The following MCM8 variants were observed in gnomAD, a reference collection of about 807,000 sequenced individuals.
MCM8 encodes minichromosome maintenance 8 homologous recombination repair factor.
In MCM8, 85 loss-of-function variants were observed where a neutral mutation model predicts 98.9. The ratio of observed to expected loss-of-function variants is 0.86; its 90% CI spans 0.72 to 1.03. The LOEUF (loss-of-function observed/expected upper bound fraction) is 1.03, where lower values mean the gene tolerates loss of function less well. Ranked by LOEUF, MCM8 falls within the 50% of genes least tolerant of loss-of-function variation. The pLI, the probability that MCM8 is intolerant of heterozygous loss-of-function variation, is 0.00. For missense variants in MCM8, 951 were observed against 997.8 expected, an observed-to-expected ratio of 0.95 and a Z score of 0.63; for synonymous variants, 352 against 338.6, an observed-to-expected ratio of 1.04 and a Z score of -0.44.
Position 5,977,968 on chromosome 20 carries a change from C to A in MCM8, c.1488C>A (p.Ser496=). ...CGGTAACTCTTTCAAAAGATAGTTC[C>A]TCTGGAGATTTTGCTTTGGAAGCTG... ...GLTVTLSKDS[S]SGDFALEAGA... The change falls in exon 13 of 19, where the codon TCC becomes TCA. Residue 496 remains serine (S), a synonymous_variant. Coordinates refer to ENST00000610722, the MANE Select transcript of MCM8 (RefSeq NM_032485.6). 3 of 1,614,210 alleles carry A rather than the reference C, an allele frequency of 1.9e-6. No individual in the cohort carries two copies. The highest frequency in any genetic ancestry group is 2.5e-6 in the Non-Finnish European group (3 of 1,180,048).
At chr20:5,964,403 G>C (rs950998384) in intron 8 of MCM8, 1 of 152,142 alleles carries the variant, frequency 6.6e-6, no homozygotes, top group Non-Finnish European at 1.5e-5. Flanking sequence ...ACTATAGTGA[G>C]ATCTTTACAA....
In MCM8 at chr20:5,996,171, A is replaced by T. The variant is rs1173511597; in HGVS notation, c.*1780A>T. On this transcript the variant is annotated 3_prime_UTR_variant, in exon 19 of 19. Coordinates refer to ENST00000610722, the MANE Select transcript of MCM8 (RefSeq NM_032485.6). ...ATGCCTATTGTCCTACCTACTGTGGAGGCTGAAGTAGGAAATCACTTGAGC... is the reference window on the plus strand; with the variant it reads ...ATGCCTATTGTCCTACCTACTGTGGTGGCTGAAGTAGGAAATCACTTGAGC... 6.6e-6 allele frequency: 1 copy of T among 152,166 alleles called. No homozygotes were observed. Among genetic ancestry groups the T allele is most frequent in the Non-Finnish European group, 1.5e-5 (1 of 68,080 alleles). 9.4% of individuals were successfully genotyped at this position (152,166 alleles called of 1,614,324 possible). A position where few individuals can be genotyped will look rare whatever the true frequency, so the allele number is the denominator to read the frequency against.
chr20:5,952,563 T>C (rs1227559729), intron 3 of MCM8, 35 bp downstream of exon 3: 30 of 1,547,286 alleles, frequency 1.9e-5, no homozygotes, highest in Non-Finnish European at 2.4e-5. Flanking sequence ...GCACCATAAA[T>C]CATATTTTCT....
In MCM8 at chr20:5,954,630, G is replaced by A. The variant is rs751564236; in HGVS notation, c.276G>A (p.Leu92=). ...TAGTTTACAGCGATAGCTCTCCTTT[G>A]ATTGAGAAGATTCAAGCATTTGAAA... is the stretch of plus-strand genomic sequence containing the variant. ...FSEVYSDSSP[L]IEKIQAFEKF... is the part of the protein sequence containing the mutation. The change falls in exon 4 of 19, where the codon TTG becomes TTA. Residue 92 remains leucine (L), a synonymous_variant. Coordinates refer to ENST00000610722, the MANE Select transcript of MCM8 (RefSeq NM_032485.6). 1.9e-6 allele frequency: 3 copies of A among 1,609,286 alleles called. No individual in the cohort carries two copies. Among genetic ancestry groups the A allele is most frequent in the Admixed American group, 3.3e-5 (2 of 59,908 alleles).
chr20:5,994,503 A>G lies in MCM8; in HGVS notation c.*112A>G, dbSNP rs999718127. The stretch of plus-strand genomic sequence containing the variant: ...GACACACACACACACACACACACAC[A>G]CACACACACACACACACACAGTCAA... On this transcript the variant is annotated 3_prime_UTR_variant, in exon 19 of 19. Transcript: ENST00000610722. 1 of 604,006 alleles carries G rather than the reference A, an allele frequency of 1.7e-6. No homozygotes were observed. Among genetic ancestry groups the G allele is most frequent in the Non-Finnish European group, 2.9e-6 (1 of 342,556 alleles). The allele number at this position is 604,006 out of a possible 1,614,324, so 37.4% of individuals were successfully genotyped here.
chr20:5,968,887 A>C (rs1012280078), intron 10 of MCM8, among the ~76,000 whole-genome samples: 4 of 152,238 alleles, frequency 2.6e-5, no homozygotes, highest in African/African-American at 9.7e-5. Flanking sequence ...ATATTCAAAA[A>C]GTATTTGATA....
intron 13 of MCM8, among the ~76,000 whole-genome samples, chr20:5,978,685 G>C (rs1417950800): frequency 6.6e-6 from 1 of 152,146 alleles, no homozygotes; most frequent in Non-Finnish European, 1.5e-5. Flanking sequence ...TGCCTCCTGA[G>C]TAGCTGGGAT....
At chr20:5,967,798 C>A in intron 9 of MCM8, 32 bp from the exon 10 acceptor site, 2 of 1,525,738 alleles carry the variant, frequency 1.3e-6, no homozygotes, top group Non-Finnish European at 1.8e-6. Context: ...ATGAAAATAC[C>A]AACTATTGTA....
In MCM8 at chr20:5,967,565, C is replaced by A; in HGVS notation, c.1005C>A (p.Val335=). ...PGDTVTITGI[V]KVSNAEEGSR... is the part of the protein sequence containing the mutation. ...ACACAGTGACTATTACTGGAATTGT[C>A]AAAGTCTCAAATGCGGAAGAAGGTA... The change falls in exon 9 of 19, where the codon GTC becomes GTA. Residue 335 remains valine, a synonymous_variant. Transcript: ENST00000610722. 6.2e-7 allele frequency: 1 copy of A among 1,612,270 alleles called. No individual in the cohort carries two copies. The highest frequency in any genetic ancestry group is 1.1e-5 in the South Asian group (1 of 90,802).
At chr20:5,980,833 C>T (rs1356384273) in intron 13 of MCM8, among the ~76,000 whole-genome samples, 1 of 147,422 alleles carries the variant, frequency 6.8e-6, no homozygotes, top group Admixed American at 6.9e-5. Context: ...GATGGTGCCA[C>T]TGTACTCCAG....
At position 5,951,947 on chromosome 20, in the gene MCM8, C is replaced by A. The variant is rs547073524; in HGVS notation, c.-5-64C>A. 9 of 1,512,150 alleles carry A rather than the reference C, an allele frequency of 6.0e-6. No homozygotes were observed. In the South Asian group the frequency reaches 1.0e-4, roughly 17 times the overall value. 93.7% of individuals were successfully genotyped at this position (1,512,150 alleles called of 1,614,324 possible). A position where few individuals can be genotyped will look rare whatever the true frequency, so the allele number is the denominator to read the frequency against. On this transcript the variant is annotated intron_variant, in intron 1 of 18. Coordinates refer to ENST00000610722, the MANE Select transcript of MCM8 (RefSeq NM_032485.6). ...ATTAATTTTTCCCTTTTTATTAATA[C>A]ATTTTTAAGAGCACTATTTTCCTTA...
intron 17 of MCM8, 71 bp from the exon 18 acceptor site, chr20:5,993,435 C>A: frequency 7.8e-7 from 1 of 1,289,958 alleles, no homozygotes; most frequent in South Asian, 2.3e-5. Flanking sequence ...TCTTCTGTAA[C>A]CTGAAAGCCC....
At position 5,966,035 on chromosome 20, in the gene MCM8, T is replaced by A. The variant is rs566053635; in HGVS notation, c.876-1401T>A. 7.9e-5 allele frequency among the ~76,000 whole-genome samples: 12 copies of A among 152,238 alleles called. 1 individual carries two copies. The highest frequency in any genetic ancestry group is 4.1e-4 in the South Asian group (2 of 4,822). On this transcript the variant is annotated intron_variant, in intron 8 of 18. Coordinates refer to ENST00000610722, the MANE Select transcript of MCM8 (RefSeq NM_032485.6). ...AGGACAGGTAAAAAGTTCTAAGCCC[T>A]TGCATGTCTGAAAATGTCTTTATTT... is the stretch of plus-strand genomic sequence containing the variant.
chr20:5,991,448 G>T (rs1268134989), intron 17 of MCM8: 1 of 152,088 alleles, frequency 6.6e-6, no homozygotes, highest in African/African-American at 2.4e-5. Context: ...ACAAGTTTCA[G>T]ATCAGTTTAC....
chr20:5,974,604 C>T (rs2089470786), intron 12 of MCM8, among the ~76,000 whole-genome samples: 1 of 152,154 alleles, frequency 6.6e-6, no homozygotes, highest in South Asian at 2.1e-4. Flanking sequence ...ATACCATAGC[C>T]CACTGCAAGC....
Position 5,977,866 on chromosome 20 carries a change from G to T in MCM8, c.1396-10G>T, listed in dbSNP as rs759370091. ...TTTGGATGATTCTCTTAAACTTTTT[G>T]TTTCCTTAGGCAGCGTGCAATGTTG... On this transcript the variant is annotated splice_polypyrimidine_tract_variant and intron_variant, in intron 12 of 18. Transcript: ENST00000610722. 10 of 1,610,032 alleles carry T rather than the reference G, an allele frequency of 6.2e-6. No homozygotes were observed. In the South Asian group the frequency reaches 1.0e-4, roughly 16 times the overall value.
intron 12 of MCM8, 111 bp from the exon 13 acceptor site, chr20:5,977,765 T>C: frequency 8.8e-7 from 1 of 1,142,814 alleles, no homozygotes; most frequent in Non-Finnish European, 1.2e-6. Flanking sequence ...CCTTGTACAC[T>C]AAAGCTCTTA....
At chr20:5,952,193 T>C in intron 2 of MCM8, 30 bp downstream of exon 2, 1 of 1,607,494 alleles carries the variant, frequency 6.2e-7, no homozygotes, top group South Asian at 1.1e-5. Flanking sequence ...GTTCAATTTT[T>C]TTCACTTAAG....
chr20:5,992,882 G>C (rs236122), intron 17 of MCM8, among the ~76,000 whole-genome samples: 3 of 152,010 alleles, frequency 2.0e-5, no homozygotes, highest in African/African-American at 7.3e-5. Context: ...ATCAGCAATA[G>C]AGTTGGATTA....
Sources: allele counts gnomAD v4.1 joint callset (sites outside exome capture counted in the v4.1 genomes callset), GRCh38; gene constraint gnomAD v4.1.1; transcripts MANE v1.5; gene names NCBI Gene and HGNC (gene_info 2026-07-23, HGNC 2026-07-21).